Variants in ANKS1B observed in about 807,000 individuals in gnomAD.
ANKS1B encodes the protein ankyrin repeat and sterile alpha motif domain-containing protein 1B.
Under a neutral mutation model 148.3 loss-of-function variants are expected in ANKS1B, and 36 were observed. That is an observed-to-expected ratio of 0.24 (90% confidence interval 0.19 to 0.32). The LOEUF is 0.32. Among genes scored for constraint, ANKS1B ranks in the 10% least tolerant of loss-of-function variants. ANKS1B has a pLI of 1.00. For synonymous variants in ANKS1B, 542 were observed against 560.8 expected (o/e 0.97, Z 0.47); for missense variants, 1,157 against 1,542.6 (o/e 0.75, Z 4.19).
intron 9 of ANKS1B, among the ~76,000 whole-genome samples, chr12:99,589,810 A>G (rs537967711): frequency 6.6e-6 from 1 of 152,284 alleles, no homozygotes; most frequent in South Asian, 2.1e-4. Flanking sequence ...AAGATAATAA[A>G]AAGAGTGAAA....
At chr12:99,655,022 C>A in intron 9 of ANKS1B, 45 bp downstream of exon 9, 1 of 1,525,824 alleles carries the variant, frequency 6.6e-7, no homozygotes, top group Non-Finnish European at 8.8e-7. Context: ...AAAACATAGG[C>A]AACCATTTTT....
chr12:99,891,013 A>G (rs1237627982), intron 1 of ANKS1B, among the ~76,000 whole-genome samples: 1 of 152,220 alleles, frequency 6.6e-6, no homozygotes, highest in African/African-American at 2.4e-5. Flanking sequence ...ACTTTTATGG[A>G]CATTACACTT....
At chr12:99,028,318 T>C (rs1246404328) in intron 17 of ANKS1B, among the ~76,000 whole-genome samples, 1 of 152,202 alleles carries the variant, frequency 6.6e-6, no homozygotes, top group Non-Finnish European at 1.5e-5. Context: ...AGATCATGGG[T>C]AGCTGATAAT....
intron 9 of ANKS1B, among the ~76,000 whole-genome samples, chr12:99,533,527 T>G (rs572572049): frequency 6.6e-6 from 1 of 152,318 alleles, no homozygotes; most frequent in Admixed American, 6.5e-5. Flanking sequence ...ATGTTCTTTC[T>G]TTCTCTTGCC....
At position 99,951,996 on chromosome 12, in the gene ANKS1B, C is replaced by T. The variant is rs2095233314; in HGVS notation, c.134+32108G>A. Reference sequence around the variant, plus strand: ...ATTGTATACACGTATCAAAATATCACACTTTAGCCAATAATGGATGCACTT... The same window carrying T: ...ATTGTATACACGTATCAAAATATCATACTTTAGCCAATAATGGATGCACTT... On this transcript the variant is annotated intron_variant, in intron 1 of 26. Transcript: ENST00000683438. 3.9e-5 allele frequency among the ~76,000 whole-genome samples: 6 copies of T among 152,288 alleles called. No individual in the cohort carries two copies. In the South Asian group the frequency reaches 1.2e-3, roughly 32 times the overall value.
chr12:99,568,495 AT>A (rs1412373399), intron 9 of ANKS1B, among the ~76,000 whole-genome samples: 1 of 152,200 alleles, frequency 6.6e-6, no homozygotes, highest in Non-Finnish European at 1.5e-5. Flanking sequence ...CAGGGGTCTC[AT>A]TTTGGTTATC....
At chr12:99,640,586 T>C (rs1393704859) in intron 9 of ANKS1B, among the ~76,000 whole-genome samples, 2 of 152,192 alleles carry the variant, frequency 1.3e-5, no homozygotes, top group Non-Finnish European at 2.9e-5. Context: ...CCTTGACAGA[T>C]GCCAGCACCC....
At chr12:99,679,462 C>T (rs919758795) in intron 8 of ANKS1B, among the ~76,000 whole-genome samples, 3 of 152,118 alleles carry the variant, frequency 2.0e-5, no homozygotes, top group East Asian at 1.9e-4. Context: ...TATGTACCAA[C>T]ACACCCAGAT....
intron 10 of ANKS1B, among the ~76,000 whole-genome samples, chr12:99,453,639 C>T (rs1199238241): frequency 6.6e-6 from 1 of 152,212 alleles, no homozygotes; most frequent in Admixed American, 6.5e-5. Context: ...AGGCATCCCG[C>T]TAAGTCCCTC....
chr12:99,033,462 G>T (rs1419108864), intron 17 of ANKS1B, among the ~76,000 whole-genome samples: 1 of 152,034 alleles, frequency 6.6e-6, no homozygotes, highest in Non-Finnish European at 1.5e-5. Context: ...TTCTCTGCTG[G>T]TCACTCTTAA....
chr12:99,359,592 T>C, intron 12 of ANKS1B, among the ~76,000 whole-genome samples: 1 of 152,238 alleles, frequency 6.6e-6, no homozygotes, highest in South Asian at 2.1e-4. Context: ...TTTAAATGAA[T>C]GATTTCCATA....
intron 14 of ANKS1B, among the ~76,000 whole-genome samples, chr12:99,181,989 A>T (rs1392412306): frequency 6.6e-6 from 1 of 152,060 alleles, no homozygotes; most frequent in African/African-American, 2.4e-5. Flanking sequence ...TCTGGTAACC[A>T]TATGTATTAG....
chr12:99,852,614 G>A (rs1004011724), intron 1 of ANKS1B, among the ~76,000 whole-genome samples: 2 of 152,186 alleles, frequency 1.3e-5, no homozygotes, highest in African/African-American at 4.8e-5. Flanking sequence ...CTAACTTGCA[G>A]CTCCCACTCG....
At chr12:99,621,677 T>C (rs2098052764) in intron 9 of ANKS1B, among the ~76,000 whole-genome samples, 1 of 151,956 alleles carries the variant, frequency 6.6e-6, no homozygotes, top group Admixed American at 6.6e-5. Context: ...TACATAGTGA[T>C]AAAGGGTTCA....
chr12:99,479,926 G>A (rs1183658685), intron 10 of ANKS1B, among the ~76,000 whole-genome samples: 3 of 151,774 alleles, frequency 2.0e-5, no homozygotes, highest in African/African-American at 7.3e-5. Flanking sequence ...GGTATGTGAG[G>A]TGATGGATAT....
intron 17 of ANKS1B, among the ~76,000 whole-genome samples, chr12:98,992,959 GGGCTTTAAA>G (rs2099927496): frequency 2.0e-5 from 3 of 152,020 alleles, no homozygotes; most frequent in Admixed American, 6.6e-5. Context: ...CAATCTTTCT[GGGCTTTAAA>G]GGCTATGAGG....
intron 10 of ANKS1B, among the ~76,000 whole-genome samples, chr12:99,488,134 CTAA>C (rs1162441392): frequency 1.3e-5 from 2 of 152,106 alleles, no homozygotes; most frequent in East Asian, 1.9e-4. Flanking sequence ...TAAATTTTGA[CTAA>C]TGATAGTCCT....
At position 99,443,657 on chromosome 12, in the gene ANKS1B, C is replaced by T; in HGVS notation, c.1575+16G>A. 6.2e-7 allele frequency: 1 copy of T among 1,609,896 alleles called. No homozygotes were observed. The highest frequency in any genetic ancestry group is 1.1e-5 in the South Asian group (1 of 90,760). ...AAACACATTAGAGGGAAAATGATGCCATTCTGGGCACTTACCTGGGGTCGA... is the reference window on the plus strand; with the variant it reads ...AAACACATTAGAGGGAAAATGATGCTATTCTGGGCACTTACCTGGGGTCGA... On this transcript the variant is annotated intron_variant, in intron 11 of 26. Coordinates refer to ENST00000683438, the MANE Select transcript of ANKS1B (RefSeq NM_001352186.2).
At position 99,133,433 on chromosome 12, in the gene ANKS1B, C is replaced by A. The variant is rs757387067; in HGVS notation, c.2526+20856G>T. ...ACCCCTTCATAAAAAATAAGAAGAA[C>A]CATCCTTTCCTTTTAAATAACCTCC... On this transcript the variant is annotated intron_variant, in intron 15 of 26. Transcript: ENST00000683438. Among the ~76,000 whole-genome samples, 26 of 152,238 alleles carry A rather than the reference C, an allele frequency of 1.7e-4. No homozygotes were observed. The South Asian group carries it at 2.7e-3, about 16-fold the overall frequency.
Sources: gnomAD v4.1 joint callset for allele counts (sites outside exome capture counted in the v4.1 genomes callset) on GRCh38, gnomAD v4.1.1 for gene constraint, MANE v1.5 for transcripts, NCBI Gene and HGNC (gene_info 2026-07-23, HGNC 2026-07-21) for gene names.